CTCF: variants seen among roughly 807,000 people sequenced by gnomAD.
CTCF encodes the protein transcriptional repressor CTCF.
In CTCF, 7 loss-of-function variants were observed where a neutral mutation model predicts 72.3. The observed-to-expected ratio is 0.10, with a 90% CI of 0.06 to 0.18. The LOEUF is 0.18. Ranked by LOEUF, CTCF falls within the 10% of genes least tolerant of loss-of-function variation. CTCF has a pLI of 1.00. For synonymous variants in CTCF, 374 were observed against 315.8 expected (o/e 1.18, Z -1.95); for missense variants, 516 against 949.1 (o/e 0.54, Z 6.00).
chr16:67,623,744 G>T (rs184797051), intron 7 of CTCF, among the ~76,000 whole-genome samples: 10 of 151,172 alleles, frequency 6.6e-5, no homozygotes, highest in Admixed American at 4.6e-4. Flanking sequence ...GCAAGACCCC[G>T]TCTCTTAAAA....
chr16:67,607,546 T>G (rs2051992238), intron 2 of CTCF, among the ~76,000 whole-genome samples: 1 of 151,696 alleles, frequency 6.6e-6, no homozygotes, highest in African/African-American at 2.4e-5. Flanking sequence ...CCTCAACTGA[T>G]CCACCAGCCT....
chr16:67,595,846 T>A (rs1383173635), intron 2 of CTCF, among the ~76,000 whole-genome samples: 3 of 152,196 alleles, frequency 2.0e-5, no homozygotes, highest in Non-Finnish European at 2.9e-5. Context: ...TAAAGCACTA[T>A]TTTTGATGTC....
intron 2 of CTCF, among the ~76,000 whole-genome samples, chr16:67,598,980 G>C (rs188569127): frequency 6.6e-6 from 1 of 152,216 alleles, no homozygotes; most frequent in Non-Finnish European, 1.5e-5. Context: ...GTGTTAAGTT[G>C]AGCGTGGTAG....
chr16:67,609,814 C>T (rs549429438), intron 2 of CTCF, among the ~76,000 whole-genome samples: 5 of 151,822 alleles, frequency 3.3e-5, no homozygotes, highest in African/African-American at 4.8e-5. Context: ...TTAGTAGAGA[C>T]GGGGTTTCAC....
chr16:67,572,293 C>T (rs781449194), intron 2 of CTCF, among the ~76,000 whole-genome samples: 1 of 152,188 alleles, frequency 6.6e-6, no homozygotes, highest in African/African-American at 2.4e-5. Flanking sequence ...AACTTACGCC[C>T]TGCAGGTTCT....
intron 8 of CTCF, chr16:67,627,481 ACT>A (rs1487797630): frequency 1.3e-5 from 2 of 150,702 alleles, no homozygotes; most frequent in South Asian, 2.1e-4. Context: ...GCAGAGCGAG[ACT>A]CTGTCTCCAA....
At chr16:67,597,833 C>T (rs760768882) in intron 2 of CTCF, among the ~76,000 whole-genome samples, 1 of 152,056 alleles carries the variant, frequency 6.6e-6, no homozygotes, top group Non-Finnish European at 1.5e-5. Context: ...AAATTGTCTG[C>T]CTATAGTAGT....
At chr16:67,570,325 C>G (rs2051399394) in intron 1 of CTCF, among the ~76,000 whole-genome samples, 1 of 151,994 alleles carries the variant, frequency 6.6e-6, no homozygotes, top group African/African-American at 2.4e-5. Flanking sequence ...CGTGATCTGT[C>G]TGCCTCGGCC....
At chr16:67,587,568 G>A (rs2051684947) in intron 2 of CTCF, among the ~76,000 whole-genome samples, 1 of 150,046 alleles carries the variant, frequency 6.7e-6, no homozygotes, top group African/African-American at 2.5e-5. Context: ...CATGCCTACA[G>A]ATTGTCCTTA....
chr16:67,626,523 A>G (rs1027874847), intron 7 of CTCF, 32 bp from the exon 8 acceptor site: 15 of 1,379,652 alleles, frequency 1.1e-5, no homozygotes, highest in African/African-American at 3.0e-5. Flanking sequence ...TTGTGTTTTC[A>G]CATTACCCTG....
chr16:67,601,294 C>CGTGTGTGTGTGTGTGT (rs58241150), intron 2 of CTCF, among the ~76,000 whole-genome samples: 15 of 98,668 alleles, frequency 1.5e-4, no homozygotes, highest in Non-Finnish European at 2.8e-4. Flanking sequence ...ACTCTGTCAC[C>CGTGTGTGTGTGTGTGT]GTGTGTGTGT....
In CTCF at chr16:67,611,240, G is replaced by A; in HGVS notation, c.408G>A (p.Gly136=). 3 of 1,614,114 alleles carry A rather than the reference G, an allele frequency of 1.9e-6. No individual in the cohort carries two copies. Among genetic ancestry groups the A allele is most frequent in the Non-Finnish European group, 2.5e-6 (3 of 1,180,022 alleles). Residue 136 remains glycine, a synonymous_variant, in exon 3 of 12, where the codon GGG becomes GGA. Coordinates refer to ENST00000264010, the MANE Select transcript of CTCF (RefSeq NM_006565.4). The stretch of plus-strand genomic sequence containing the variant: ...CCACTTCAGTAGAAGAACTTCAGGG[G>A]GCTTATGAAAATGAAGTGTCTAAAG... ...VATTSVEELQ[G]AYENEVSKEG...
chr16:67,586,320 A>G (rs1286324624), intron 2 of CTCF, among the ~76,000 whole-genome samples: 1 of 152,086 alleles, frequency 6.6e-6, no homozygotes, highest in African/African-American at 2.4e-5. Context: ...GTGGATCACA[A>G]GGTCAAGAAT....
At chr16:67,575,821 G>A (rs910769850) in intron 2 of CTCF, among the ~76,000 whole-genome samples, 8 of 151,962 alleles carry the variant, frequency 5.3e-5, no homozygotes, top group Non-Finnish European at 1.0e-4. Context: ...TGAACTAAAC[G>A]GAAATATTGT....
chr16:67,604,998 A>G (rs1958304534), intron 2 of CTCF, among the ~76,000 whole-genome samples: 1 of 112,868 alleles, frequency 8.9e-6, no homozygotes, highest in Non-Finnish European at 1.7e-5. Flanking sequence ...TTTTTGAGAC[A>G]GTCTCGCTCT....
rs376350967 is a variant in CTCF, at chr16:67,572,121, A to G, written c.-10+857A>G. Among the ~76,000 whole-genome samples, 7 of 152,352 alleles carry G rather than the reference A, an allele frequency of 4.6e-5. No individual in the cohort carries two copies. The South Asian group carries it at 6.2e-4, about 14-fold the overall frequency. ...ATGTGAATGAATCATCTAAATGACT[A>G]CTAAGATTTTTCTTACAAGCTCTGC... On this transcript the variant is annotated intron_variant, in intron 2 of 11. Coordinates refer to ENST00000264010, the MANE Select transcript of CTCF (RefSeq NM_006565.4).
intron 2 of CTCF, among the ~76,000 whole-genome samples, chr16:67,602,135 A>G (rs2051900601): frequency 6.6e-6 from 1 of 152,156 alleles, no homozygotes; most frequent in African/African-American, 2.4e-5. Context: ...AAGTGCTGGG[A>G]TTACAGGCGT....
intron 2 of CTCF, among the ~76,000 whole-genome samples, chr16:67,591,823 G>A (rs779148420): frequency 3.3e-5 from 5 of 151,876 alleles, no homozygotes; most frequent in Non-Finnish European, 5.9e-5. Context: ...CGATCCTCCC[G>A]CCTCAGTCCC....
At chr16:67,571,034 TTTTG>T (rs1406587223) in intron 1 of CTCF, 110 bp from the exon 2 acceptor site, 1 of 152,194 alleles carries the variant, frequency 6.6e-6, no homozygotes, top group Non-Finnish European at 1.5e-5. Flanking sequence ...TGAACAGGTG[TTTTG>T]TTTCTTTCCC....
Sources: allele counts gnomAD v4.1 joint callset (sites outside exome capture counted in the v4.1 genomes callset), GRCh38; gene constraint gnomAD v4.1.1; transcripts MANE v1.5; gene names NCBI Gene and HGNC (gene_info 2026-07-23, HGNC 2026-07-21).